DOCK5: variants seen among roughly 807,000 people sequenced by gnomAD.
The protein encoded by DOCK5 is dedicator of cytokinesis 5, also known as dedicator of cytokinesis protein 5.
In DOCK5, 142 loss-of-function variants were observed where a neutral mutation model predicts 251.8. That is an observed-to-expected ratio of 0.56 (90% CI 0.49 to 0.65). The LOEUF is 0.65. Ranked by LOEUF, DOCK5 falls within the 30% of genes least tolerant of loss-of-function variation. DOCK5 has a pLI of 0.00. For synonymous variants in DOCK5, 842 were observed against 835.5 expected (o/e 1.01, Z -0.13); for missense variants, 2,111 against 2,312.3 (o/e 0.91, Z 1.79).
chr8:25,252,448 A>G (rs1233928357), intron 2 of DOCK5, among the ~76,000 whole-genome samples: 1 of 152,244 alleles, frequency 6.6e-6, no homozygotes, highest in Non-Finnish European at 1.5e-5. Context: ...CGATCTAGGT[A>G]TAGAAATACT....
chr8:25,196,018 A>G (rs1020860884), intron 1 of DOCK5, among the ~76,000 whole-genome samples: 3 of 152,230 alleles, frequency 2.0e-5, no homozygotes, highest in African/African-American at 7.2e-5. Context: ...TGTATTTCCC[A>G]TGAGAGAAAC....
At chr8:25,196,191 G>A (rs184045953) in intron 1 of DOCK5, among the ~76,000 whole-genome samples, 7 of 152,274 alleles carry the variant, frequency 4.6e-5, no homozygotes, top group African/African-American at 1.2e-4. Flanking sequence ...TTATTTTTGG[G>A]TCATTATTTC....
chr8:25,190,773 T>C (rs1563301549), intron 1 of DOCK5, among the ~76,000 whole-genome samples: 2 of 80,756 alleles, frequency 2.5e-5, no homozygotes, highest in African/African-American at 4.3e-5. Context: ...AACTTGGTCA[T>C]GGGTTTTTTT....
intron 1 of DOCK5, among the ~76,000 whole-genome samples, chr8:25,210,045 T>TATATATATAAAAAA (rs1563309191): frequency 4.8e-5 from 1 of 20,650 alleles, no homozygotes; most frequent in African/African-American, 2.3e-4. Flanking sequence ...AATGTGTGTG[T>TATATATATAAAAAA]GTGTGTGTGT....
At chr8:25,400,652 TCATCCACGGA>T (rs746784326) in intron 46 of DOCK5, among the ~76,000 whole-genome samples, 15 of 152,138 alleles carry the variant, frequency 9.9e-5, no homozygotes, top group Non-Finnish European at 1.8e-4. Context: ...TATCAGTTGC[TCATCCACGGA>T]AGTGCCCCAG....
intron 2 of DOCK5, among the ~76,000 whole-genome samples, chr8:25,248,336 T>G (rs1412213711): frequency 6.6e-6 from 1 of 152,210 alleles, no homozygotes; most frequent in Non-Finnish European, 1.5e-5. Flanking sequence ...ATGGGAATGC[T>G]GAGTAATCAC....
chr8:25,369,731 A>C, intron 34 of DOCK5, 90 bp downstream of exon 34: 1 of 1,159,694 alleles, frequency 8.6e-7, no homozygotes, highest in Non-Finnish European at 1.2e-6. Context: ...AGAGCAATTG[A>C]GTAGTCTCAG....
chr8:25,380,797 TAGGCAGCCACCATTCTGAAAGCTCAGTGG>T (rs1563223377), intron 39 of DOCK5, among the ~76,000 whole-genome samples: 44 of 152,246 alleles, frequency 2.9e-4, no homozygotes, highest in African/African-American at 1.0e-3. Context: ...TGCCCAGTGT[TAGGCAGCCACCATTCTGAAAGCTCAGTGG>T]AGGCAGCCAC....
At chr8:25,330,597 G>A (rs896326057) in intron 18 of DOCK5, among the ~76,000 whole-genome samples, 2 of 152,090 alleles carry the variant, frequency 1.3e-5, no homozygotes, top group Non-Finnish European at 2.9e-5. Context: ...GATATAGGTG[G>A]GGCCTTATTA....
At chr8:25,392,752 C>G in intron 43 of DOCK5, 44 bp from the exon 44 acceptor site, 1 of 1,520,096 alleles carries the variant, frequency 6.6e-7, no homozygotes, top group East Asian at 2.3e-5. Flanking sequence ...ATGTTTTCCT[C>G]CTGGGAATTG....
At chr8:25,328,944 T>C (rs745746892) in intron 18 of DOCK5, among the ~76,000 whole-genome samples, 16 of 152,186 alleles carry the variant, frequency 1.1e-4, no homozygotes, top group Non-Finnish European at 2.1e-4. Flanking sequence ...AAAAAATCTT[T>C]CTTAAGCTCC....
At chr8:25,336,192 G>C in intron 21 of DOCK5, 47 bp from the exon 22 acceptor site, 1 of 1,586,224 alleles carries the variant, frequency 6.3e-7, no homozygotes. Context: ...AAGCCTCAGA[G>C]TATCCTGTTG....
intron 25 of DOCK5, among the ~76,000 whole-genome samples, chr8:25,342,843 G>GT (rs71214565): frequency 6.7e-6 from 1 of 149,192 alleles, no homozygotes; most frequent in Non-Finnish European, 1.5e-5. Flanking sequence ...GGACTACAAG[G>GT]ACCTGCCACC....
At chr8:25,260,619 G>C (rs912645367) in intron 2 of DOCK5, among the ~76,000 whole-genome samples, 15 of 152,132 alleles carry the variant, frequency 9.9e-5, no homozygotes, top group African/African-American at 3.6e-4. Context: ...ACCATTAAAA[G>C]CCCTTTTGTA....
intron 2 of DOCK5, among the ~76,000 whole-genome samples, chr8:25,247,713 A>G (rs1803154041): frequency 6.6e-6 from 1 of 152,208 alleles, no homozygotes; most frequent in African/African-American, 2.4e-5. Flanking sequence ...GGGGTCACTG[A>G]GCTTAGTTGA....
chr8:25,184,877 A>AGTCGCCGCCGCCGCGGGGCGAG lies in DOCK5; in HGVS notation c.-22_-1dup. The AGTCGCCGCCGCCGCGGGGCGAG allele has an allele frequency of 8.1e-6, 11 of 1,362,096 alleles. No homozygotes were observed. The highest frequency in any genetic ancestry group is 2.4e-4 in the Middle Eastern group (1 of 4,096). 84.4% of individuals were successfully genotyped at this position (1,362,096 alleles called of 1,614,324 possible). A position where few individuals can be genotyped will look rare whatever the true frequency, so the allele number is the denominator to read the frequency against. ...GAGCCCGAGGAGCTGTAGCAGCCTT[A>AGTCGCCGCCGCCGCGGGGCGAG]GTCGCCGCCGCCGCGGGGCGAGGTC... is the stretch of plus-strand genomic sequence containing the variant. On this transcript the variant is annotated 5_prime_UTR_variant, in exon 1 of 52. Transcript: ENST00000276440.
At chr8:25,340,155 G>A (rs763925493) in intron 22 of DOCK5, among the ~76,000 whole-genome samples, 7 of 152,180 alleles carry the variant, frequency 4.6e-5, no homozygotes, top group Non-Finnish European at 8.8e-5. Context: ...TCTGTTGTAG[G>A]TGTGTTAATT....
chr8:25,297,517 G>C (rs1471573820), intron 7 of DOCK5, among the ~76,000 whole-genome samples: 1 of 151,808 alleles, frequency 6.6e-6, no homozygotes, highest in Non-Finnish European at 1.5e-5. Flanking sequence ...GCCTCCCAAA[G>C]TGCTGGGATT....
intron 2 of DOCK5, among the ~76,000 whole-genome samples, chr8:25,258,996 G>A (rs1803496352): frequency 6.6e-6 from 1 of 152,146 alleles, no homozygotes; most frequent in Admixed American, 6.5e-5. Context: ...GTGCATGCCT[G>A]TAATCCCAGC....
Sources: gnomAD v4.1 joint callset for allele counts (sites outside exome capture counted in the v4.1 genomes callset) on GRCh38, gnomAD v4.1.1 for gene constraint, MANE v1.5 for transcripts, NCBI Gene and HGNC (gene_info 2026-07-23, HGNC 2026-07-21) for gene names.